Variants in CNOT2 observed in about 807,000 individuals in gnomAD.
CNOT2 encodes the protein CC chemokine receptor 4-negative regulator of transcription 2.
A neutral mutation model predicts 72.1 loss-of-function variants in CNOT2; 7 were observed. That is an observed-to-expected ratio of 0.10 (90% CI 0.06 to 0.18). The LOEUF is 0.18. Among genes scored for constraint, CNOT2 ranks in the 10% least tolerant of loss-of-function variants. The pLI, the probability that CNOT2 is intolerant of heterozygous loss-of-function variation, is 1.00. For synonymous variants in CNOT2, 196 were observed against 225.6 expected, an observed-to-expected ratio of 0.87 and a Z score of 1.17; for missense variants, 345 against 660.3, an observed-to-expected ratio of 0.52 and a Z score of 5.23.
intron 4 of CNOT2, among the ~76,000 whole-genome samples, chr12:70,328,450 AGT>A (rs1487266504): frequency 6.6e-6 from 1 of 151,972 alleles, no homozygotes; most frequent in African/African-American, 2.4e-5. Flanking sequence ...AGCACTAAAA[AGT>A]GTGGGTCAGG....
chr12:70,275,477 G>T (rs1417288385), intron 1 of CNOT2, among the ~76,000 whole-genome samples: 7 of 152,052 alleles, frequency 4.6e-5, no homozygotes, highest in Admixed American at 4.6e-4. Flanking sequence ...TGAGCTGGGT[G>T]TACTACGTTT....
At chr12:70,307,620 A>G (rs1181403196) in intron 2 of CNOT2, 2 of 152,168 alleles carry the variant, frequency 1.3e-5, no homozygotes, top group African/African-American at 2.4e-5. Flanking sequence ...AGTAATTTCA[A>G]TGTATTTCGA....
rs1017630368 is a variant in CNOT2 at position 70,353,737 on chromosome 12, G to T, written c.1537-92G>T. On this transcript the variant is annotated intron_variant, in intron 15 of 15. Transcript: ENST00000229195. Reference sequence around the variant, plus strand: ...GTGTTGATGTTGATTCATATATATTGGGTATTTTATTTATTTTTATAGTAA... The same window carrying T: ...GTGTTGATGTTGATTCATATATATTTGGTATTTTATTTATTTTTATAGTAA... 2.0e-6 allele frequency: 3 copies of T among 1,528,682 alleles called. No homozygotes were observed. In the African/African-American group the frequency reaches 4.3e-5, roughly 22 times the overall value. 94.7% of individuals were successfully genotyped at this position (1,528,682 alleles called of 1,614,324 possible). A position where few individuals can be genotyped will look rare whatever the true frequency, so the allele number is the denominator to read the frequency against.
intron 2 of CNOT2, among the ~76,000 whole-genome samples, chr12:70,289,853 G>A (rs1023264602): frequency 6.6e-6 from 1 of 151,104 alleles, no homozygotes; most frequent in East Asian, 2.0e-4. Flanking sequence ...CTCATTATCT[G>A]TTCTCTTTTA....
intron 1 of CNOT2, among the ~76,000 whole-genome samples, chr12:70,257,707 T>C (rs1326675240): frequency 2.0e-5 from 3 of 152,088 alleles, no homozygotes; most frequent in Non-Finnish European, 4.4e-5. Flanking sequence ...TTCCCTAGCA[T>C]CTATTGTAAT....
At chr12:70,350,284 C>T (rs939183837) in intron 15 of CNOT2, among the ~76,000 whole-genome samples, 3 of 152,088 alleles carry the variant, frequency 2.0e-5, no homozygotes, top group Admixed American at 6.6e-5. Flanking sequence ...AATTTGACCT[C>T]GTGGATCTAT....
Position 70,251,560 on chromosome 12 carries a change from G to T in CNOT2, c.-96+8080G>T, listed in dbSNP as rs184671215. On this transcript the variant is annotated intron_variant, in intron 1 of 15. Coordinates refer to ENST00000229195, the MANE Select transcript of CNOT2 (RefSeq NM_014515.7). ...CCATTAGGAGGGGAAAAAAAAGCCAGTGAGATTGATAAGCAGATTCGTGTT... is the reference window on the plus strand; with the variant it reads ...CCATTAGGAGGGGAAAAAAAAGCCATTGAGATTGATAAGCAGATTCGTGTT... 3.9e-5 allele frequency among the ~76,000 whole-genome samples: 6 copies of T among 152,266 alleles called. No individual in the cohort carries two copies. The East Asian group carries it at 1.2e-3, about 29-fold the overall frequency.
chr12:70,328,499 A>G (rs1391053278), intron 4 of CNOT2, among the ~76,000 whole-genome samples: 3 of 151,962 alleles, frequency 2.0e-5, no homozygotes. Flanking sequence ...GTAGACAGAT[A>G]TAACAGTGTA....
At chr12:70,339,113 C>CACATAT (rs1171478126) in intron 11 of CNOT2, among the ~76,000 whole-genome samples, 36 of 150,016 alleles carry the variant, frequency 2.4e-4, no homozygotes, top group African/African-American at 8.9e-4. Context: ...CACACACACA[C>CACATAT]CTTCCAGAAT....
At chr12:70,351,505 A>G (rs1278827034) in intron 15 of CNOT2, among the ~76,000 whole-genome samples, 1 of 152,214 alleles carries the variant, frequency 6.6e-6, no homozygotes, top group African/African-American at 2.4e-5. Flanking sequence ...TGATCTCTAT[A>G]TCAAAATTTC....
At chr12:70,294,816 A>T (rs1872563823) in intron 2 of CNOT2, among the ~76,000 whole-genome samples, 1 of 152,206 alleles carries the variant, frequency 6.6e-6, no homozygotes, top group African/African-American at 2.4e-5. Flanking sequence ...TGAAGTCTTG[A>T]CAGGAGGACT....
At chr12:70,349,525 T>C (rs1882609802) in intron 15 of CNOT2, among the ~76,000 whole-genome samples, 2 of 152,190 alleles carry the variant, frequency 1.3e-5, no homozygotes, top group Admixed American at 1.3e-4. Context: ...ATTCATAATA[T>C]TTTGTATGAG....
chr12:70,249,712 T>C (rs1174742364), intron 1 of CNOT2, among the ~76,000 whole-genome samples: 2 of 152,074 alleles, frequency 1.3e-5, no homozygotes, highest in African/African-American at 4.8e-5. Flanking sequence ...TTTCTGACAA[T>C]ATCCAACAGC....
At chr12:70,336,882 A>C (rs1565825692) in intron 8 of CNOT2, 1 of 153,074 alleles carries the variant, frequency 6.5e-6, no homozygotes, top group East Asian at 1.9e-4. Flanking sequence ...ATTATTTCCC[A>C]GTTCTTGCAT....
At chr12:70,309,672 A>G (rs1191349189) in intron 2 of CNOT2, among the ~76,000 whole-genome samples, 1 of 152,116 alleles carries the variant, frequency 6.6e-6, no homozygotes, top group African/African-American at 2.4e-5. Flanking sequence ...GTTTTCCCCA[A>G]AAATGTACTT....
intron 2 of CNOT2, among the ~76,000 whole-genome samples, chr12:70,291,734 G>A (rs1487276411): frequency 1.3e-5 from 2 of 152,064 alleles, no homozygotes; most frequent in East Asian, 1.9e-4. Context: ...TCAGGAGATC[G>A]AGACCAGCCT....
chr12:70,244,474 T>C (rs1205786582), intron 1 of CNOT2, among the ~76,000 whole-genome samples: 1 of 152,250 alleles, frequency 6.6e-6, no homozygotes, highest in African/African-American at 2.4e-5. Flanking sequence ...AGTTTTCTTT[T>C]ATACAAAGTA....
intron 1 of CNOT2, among the ~76,000 whole-genome samples, chr12:70,260,767 T>C (rs1461424442): frequency 6.6e-6 from 1 of 152,130 alleles, no homozygotes; most frequent in African/African-American, 2.4e-5. Flanking sequence ...TTTTAGTGGC[T>C]TCTTTAGGAT....
intron 2 of CNOT2, among the ~76,000 whole-genome samples, chr12:70,296,770 T>C (rs1346593713): frequency 7.0e-6 from 1 of 142,462 alleles, no homozygotes; most frequent in Non-Finnish European, 1.5e-5. Flanking sequence ...CCCCCCCCTT[T>C]TTAAATTGTT....
Sources: allele counts gnomAD v4.1 joint callset (sites outside exome capture counted in the v4.1 genomes callset), GRCh38; gene constraint gnomAD v4.1.1; transcripts MANE v1.5; gene names NCBI Gene and HGNC (gene_info 2026-07-23, HGNC 2026-07-21).